Variants in RBM33 observed in about 807,000 individuals in gnomAD.
RBM33 encodes the protein RNA-binding protein 33.
RBM33 carries 28 observed loss-of-function variants against 132.6 expected under a neutral mutation model. That is an observed-to-expected ratio of 0.21 (90% CI 0.16 to 0.29). RBM33 has a LOEUF of 0.29. RBM33 is among the 10% of genes least tolerant of loss of function. The pLI is 1.00. For synonymous variants in RBM33, 634 were observed against 593.0 expected, an observed-to-expected ratio of 1.07 and a Z score of -1.01; for missense variants, 1,291 against 1,518.5, an observed-to-expected ratio of 0.85 and a Z score of 2.49.
rs914997376 is a variant in RBM33, at chr7:155,767,199, ACAGTTCCAGGTC to A, written c.3375+547_3375+558del. On this transcript the variant is annotated intron_variant, in intron 16 of 17. Transcript: ENST00000401878. ...GCAAATGAGATGCATGAAAAGGAAC[ACAGTTCCAGGTC>A]CACTGGAAACAGGGTTTTCCACGGA... Among the ~76,000 whole-genome samples the A allele has an allele frequency of 2.0e-5, 3 of 152,368 alleles. No individual in the cohort carries two copies. The East Asian group carries it at 5.8e-4, about 29-fold the overall frequency.
intron 1 of RBM33, among the ~76,000 whole-genome samples, chr7:155,655,051 G>GT (rs1374204906): frequency 3.3e-5 from 5 of 152,176 alleles, no homozygotes; most frequent in African/African-American, 7.2e-5. Context: ...TAATAAATGA[G>GT]TTTTTTAAAA....
At chr7:155,733,223 C>T (rs1277290152) in intron 9 of RBM33, among the ~76,000 whole-genome samples, 1 of 152,182 alleles carries the variant, frequency 6.6e-6, no homozygotes, top group African/African-American at 2.4e-5. Context: ...GTTCCACATT[C>T]TGACTTGGGG....
intron 2 of RBM33, among the ~76,000 whole-genome samples, chr7:155,670,034 A>G (rs915257634): frequency 6.6e-6 from 1 of 152,222 alleles, no homozygotes; most frequent in Non-Finnish European, 1.5e-5. Flanking sequence ...CCCCACTTAC[A>G]GTGGTCAAGT....
At chr7:155,730,416 A>G (rs1800922103) in intron 9 of RBM33, among the ~76,000 whole-genome samples, 1 of 152,270 alleles carries the variant, frequency 6.6e-6, no homozygotes, top group Admixed American at 6.5e-5. Context: ...TGCTGTCTAC[A>G]AAAAGGTGTA....
intron 14 of RBM33, among the ~76,000 whole-genome samples, chr7:155,759,092 G>A (rs568444128): frequency 1.6e-4 from 24 of 152,328 alleles, no homozygotes; most frequent in South Asian, 1.0e-3. Flanking sequence ...TTAGAAAGTC[G>A]TCAACGAGGT....
At chr7:155,718,083 G>T (rs1219308408) in intron 8 of RBM33, among the ~76,000 whole-genome samples, 5 of 152,090 alleles carry the variant, frequency 3.3e-5, no homozygotes, top group African/African-American at 7.2e-5. Context: ...AACAAACTAG[G>T]TTTTTTATTT....
At chr7:155,711,080 TA>T in intron 7 of RBM33, 122 bp from the exon 8 acceptor site, 2 of 1,356,758 alleles carry the variant, frequency 1.5e-6, no homozygotes, top group Non-Finnish European at 1.9e-6. Context: ...CATTGTAACT[TA>T]AAAAATGCAA....
In RBM33 at chr7:155,776,199, C is replaced by T. The variant is rs887247083; in HGVS notation, c.*1158C>T. Reference sequence around the variant, plus strand: ...TTCTGGGCAAACACTGAAAAAAGTGCCTTACAGTATTTCTGCTCATGAAAG... The same window carrying T: ...TTCTGGGCAAACACTGAAAAAAGTGTCTTACAGTATTTCTGCTCATGAAAG... On this transcript the variant is annotated 3_prime_UTR_variant, in exon 18 of 18. Coordinates refer to ENST00000401878, the MANE Select transcript of RBM33 (RefSeq NM_053043.3). The surrounding 1 kb of genome is among the most constrained non-coding windows in gnomAD (Gnocchi z 4.0). The T allele has an allele frequency of 6.6e-6, 1 of 152,594 alleles. No homozygotes were observed. The highest frequency in any genetic ancestry group is 1.5e-5 in the Non-Finnish European group (1 of 68,042). 9.5% of individuals were successfully genotyped at this position (152,594 alleles called of 1,614,324 possible). A position where few individuals can be genotyped will look rare whatever the true frequency, so the allele number is the denominator to read the frequency against.
Position 155,737,291 on chromosome 7 carries a change from G to T in RBM33, c.1261-239G>T, listed in dbSNP as rs145636170. ...GATTACAATACACTCTGTGGTGTTCGCATGATGGAATCACCTAAGGATGCG... is the reference window on the plus strand; with the variant it reads ...GATTACAATACACTCTGTGGTGTTCTCATGATGGAATCACCTAAGGATGCG... On this transcript the variant is annotated intron_variant, in intron 9 of 17. Coordinates refer to ENST00000401878, the MANE Select transcript of RBM33 (RefSeq NM_053043.3). 4.3e-3 allele frequency among the ~76,000 whole-genome samples: 641 copies of T among 149,846 alleles called. 3 individuals carry two copies. Among genetic ancestry groups the T allele is most frequent in the African/African-American group, 0.013 (537 of 40,216 alleles).
intron 14 of RBM33, among the ~76,000 whole-genome samples, chr7:155,761,608 T>G (rs1802038993): frequency 6.6e-6 from 1 of 152,252 alleles, no homozygotes; most frequent in Non-Finnish European, 1.5e-5. Flanking sequence ...TTTAAATTTC[T>G]TAGGGTCCAT....
intron 7 of RBM33, among the ~76,000 whole-genome samples, chr7:155,708,028 TACTTAATACAAATATGTGTCC>T (rs1800167019): frequency 6.6e-6 from 1 of 152,258 alleles, no homozygotes; most frequent in South Asian, 2.1e-4. Flanking sequence ...AGGAAAAATT[TACTTAATACAAATATGTGTCC>T]ACTGTGTCTA....
chr7:155,737,678 G>T lies in RBM33; in HGVS notation c.1393+16G>T, dbSNP rs551306105. 2.6e-6 allele frequency: 4 copies of T among 1,548,540 alleles called. No individual in the cohort carries two copies. The African/African-American group carries it at 4.2e-5, about 16-fold the overall frequency. On this transcript the variant is annotated intron_variant, in intron 10 of 17. Transcript: ENST00000401878. ...TTCTTAGGAGGTACAGAAAGAGTGA[G>T]TGGTGTGGAGTAACAACAGAAGCTG...
chr7:155,653,452 T>A (rs1798409250), intron 1 of RBM33, among the ~76,000 whole-genome samples: 1 of 151,412 alleles, frequency 6.6e-6, no homozygotes, highest in Admixed American at 6.6e-5. Flanking sequence ...CTATCTTTTC[T>A]ACACTAATGA....
intron 5 of RBM33, among the ~76,000 whole-genome samples, chr7:155,695,409 A>G (rs1454985847): frequency 6.6e-6 from 1 of 152,104 alleles, no homozygotes. Context: ...ATAATTACAT[A>G]TTACATATTC....
In RBM33 at chr7:155,742,123, A is replaced by G. The variant is rs1191543741; in HGVS notation, c.2337+17A>G. The G allele has an allele frequency of 3.8e-6, 6 of 1,589,864 alleles. No individual in the cohort carries two copies. The highest frequency in any genetic ancestry group is 1.7e-5 in the Admixed American group (1 of 57,606). ...GAAACAGAGGTAGGACACTGCTCTT[A>G]TTAACAAATGTTGGTCTCAAACAAG... On this transcript the variant is annotated intron_variant, in intron 13 of 17. Transcript: ENST00000401878.
chr7:155,772,952 A>G (rs1802479258), intron 16 of RBM33, among the ~76,000 whole-genome samples: 1 of 152,240 alleles, frequency 6.6e-6, no homozygotes, highest in Non-Finnish European at 1.5e-5. Flanking sequence ...GACATTCTAT[A>G]GTTATTAAAA....
chr7:155,667,323 T>C (rs1798826471), intron 2 of RBM33, among the ~76,000 whole-genome samples: 1 of 152,062 alleles, frequency 6.6e-6, no homozygotes, highest in Admixed American at 6.6e-5. Flanking sequence ...GGCGTGATCA[T>C]AGCAAGCAGG....
chr7:155,769,536 G>A (rs1409273629), intron 16 of RBM33, among the ~76,000 whole-genome samples: 1 of 152,100 alleles, frequency 6.6e-6, no homozygotes, highest in African/African-American at 2.4e-5. Flanking sequence ...AGAGAGTACC[G>A]CTCAGAGAAG....
Position 155,689,037 on chromosome 7 carries a change from G to A in RBM33, c.567+8129G>A, listed in dbSNP as rs1257635827. ...TTTTTCTATTGATTGGAATAGTTTC[G>A]GAAGTAATGGTACCAGCTCCTCCTT... On this transcript the variant is annotated intron_variant, in intron 5 of 17. Transcript: ENST00000401878. 7.2e-5 allele frequency among the ~76,000 whole-genome samples: 11 copies of A among 151,866 alleles called. No individual in the cohort carries two copies. In the South Asian group the frequency reaches 2.1e-3, roughly 29 times the overall value.
Sources: allele counts gnomAD v4.1 joint callset (sites outside exome capture counted in the v4.1 genomes callset), GRCh38; gene constraint gnomAD v4.1.1; non-coding constraint Gnocchi (gnomAD v3.1); transcripts MANE v1.5; gene names NCBI Gene and HGNC (gene_info 2026-07-23, HGNC 2026-07-21).